Variants in CSMD1 observed in about 807,000 individuals in gnomAD.
The protein encoded by CSMD1 is CUB and sushi domain-containing protein 1.
In CSMD1, 213 loss-of-function variants were observed where a neutral mutation model predicts 417.5. The ratio of observed to expected loss-of-function variants is 0.51; its 90% CI spans 0.46 to 0.57. The LOEUF (loss-of-function observed/expected upper bound fraction) is 0.57, where lower values mean the gene tolerates loss of function less well. Among genes scored for constraint, CSMD1 ranks in the 20% least tolerant of loss-of-function variants. The probability of loss-of-function intolerance (pLI) is 0.00; values close to 1 mark genes in which losing one functional copy is unlikely to be tolerated. For missense variants in CSMD1, 6,923 were observed against 4,529.7 expected (o/e 1.53, Z -15.17); for synonymous variants, 2,862 against 1,736.8 (o/e 1.65, Z -16.11).
intron 5 of CSMD1, among the ~76,000 whole-genome samples, chr8:3,884,293 T>G (rs753652547): frequency 1.3e-5 from 2 of 152,200 alleles, no homozygotes; most frequent in Admixed American, 6.6e-5. Flanking sequence ...GCCACTTGTG[T>G]TTGTTATATA....
At chr8:4,854,007 C>A (rs1253816550) in intron 1 of CSMD1, among the ~76,000 whole-genome samples, 3 of 152,106 alleles carry the variant, frequency 2.0e-5, no homozygotes, top group Non-Finnish European at 2.9e-5. Flanking sequence ...ATTCCTGGAA[C>A]ACAATTGTAT....
chr8:4,363,005 T>C (rs932619086), intron 3 of CSMD1, among the ~76,000 whole-genome samples: 1 of 152,198 alleles, frequency 6.6e-6, no homozygotes, highest in Admixed American at 6.5e-5. Context: ...AGTCTTTGAA[T>C]AGATTTTGAA....
At chr8:4,062,799 C>T (rs534610975) in intron 3 of CSMD1, among the ~76,000 whole-genome samples, 1 of 151,626 alleles carries the variant, frequency 6.6e-6, no homozygotes, top group Non-Finnish European at 1.5e-5. Context: ...CAGTATCTGT[C>T]AGCATCACGG....
chr8:3,175,695 G>T lies in CSMD1; in HGVS notation c.5725+5415C>A, dbSNP rs201560160. On this transcript the variant is annotated intron_variant, in intron 37 of 69. Transcript: ENST00000635120. Reference sequence around the variant, plus strand: ...TGTATCTACGAGCAGAGCTTCAGACGTGGGAACATGGCTTCCACACTGGAC... The same window carrying T: ...TGTATCTACGAGCAGAGCTTCAGACTTGGGAACATGGCTTCCACACTGGAC... Among the ~76,000 whole-genome samples the T allele has an allele frequency of 7.5e-5, 8 of 106,716 alleles. No homozygotes were observed. In the South Asian group the frequency reaches 1.9e-3, roughly 25 times the overall value. The allele number at this position is 106,716 out of a possible 152,430, so 70.0% of individuals were successfully genotyped here.
chr8:3,970,595 A>G (rs558083151), intron 5 of CSMD1, among the ~76,000 whole-genome samples: 3 of 152,228 alleles, frequency 2.0e-5, no homozygotes, highest in Non-Finnish European at 2.9e-5. Flanking sequence ...AACAGAATGA[A>G]TAGCAAAGGA....
intron 5 of CSMD1, among the ~76,000 whole-genome samples, chr8:3,805,059 G>C (rs1359575042): frequency 6.6e-6 from 1 of 151,670 alleles, no homozygotes; most frequent in Admixed American, 6.6e-5. Context: ...CACCACTTAG[G>C]CACAGAGAAT....
intron 3 of CSMD1, among the ~76,000 whole-genome samples, chr8:4,050,307 A>G (rs908243784): frequency 1.3e-5 from 2 of 152,334 alleles, no homozygotes; most frequent in East Asian, 3.9e-4. Flanking sequence ...GCAGAACTTA[A>G]GGAATACGAA....
At chr8:3,381,077 A>G (rs192410) in intron 18 of CSMD1, among the ~76,000 whole-genome samples, 151,344 of 152,270 alleles carry the variant, frequency 0.99, 75,219 homozygotes, top group East Asian at 1. Flanking sequence ...GCTTGGGTAT[A>G]TCAGTTTTCA....
intron 10 of CSMD1, among the ~76,000 whole-genome samples, chr8:3,571,424 A>G (rs1204108696): frequency 6.6e-6 from 1 of 152,306 alleles, no homozygotes; most frequent in African/African-American, 2.4e-5. Context: ...TCTGAACTGG[A>G]AAGATTTTGA....
chr8:4,130,912 G>A (rs181308970), intron 3 of CSMD1, among the ~76,000 whole-genome samples: 12 of 151,712 alleles, frequency 7.9e-5, no homozygotes, highest in East Asian at 1.9e-4. Context: ...TTGGATGGAC[G>A]GATTAATTAT....
intron 3 of CSMD1, among the ~76,000 whole-genome samples, chr8:4,076,574 T>C (rs1337870662): frequency 6.6e-6 from 1 of 152,146 alleles, no homozygotes; most frequent in African/African-American, 2.4e-5. Context: ...AATGAAATAA[T>C]ATATTAAGGA....
chr8:3,422,696 T>G (rs1440004713), intron 12 of CSMD1, among the ~76,000 whole-genome samples: 1 of 152,220 alleles, frequency 6.6e-6, no homozygotes, highest in Non-Finnish European at 1.5e-5. Flanking sequence ...ATTTTATGTA[T>G]TTTTCATCGT....
At chr8:4,656,118 T>A (rs145479657) in intron 1 of CSMD1, among the ~76,000 whole-genome samples, 4 of 152,136 alleles carry the variant, frequency 2.6e-5, no homozygotes, top group Admixed American at 6.5e-5. Context: ...AAGTGTATCG[T>A]GTGTGTCAAT....
intron 3 of CSMD1, among the ~76,000 whole-genome samples, chr8:4,419,560 T>G (rs1014823476): frequency 3.3e-5 from 5 of 152,186 alleles, no homozygotes; most frequent in Non-Finnish European, 5.9e-5. Flanking sequence ...GTTCATTTAA[T>G]GAAATTTCCT....
intron 7 of CSMD1, among the ~76,000 whole-genome samples, chr8:3,686,136 T>C (rs745893280): frequency 6.6e-6 from 1 of 151,934 alleles, no homozygotes; most frequent in Non-Finnish European, 1.5e-5. Context: ...AAAAACTGTC[T>C]ATGGGACTAT....
intron 26 of CSMD1, among the ~76,000 whole-genome samples, chr8:3,274,242 G>C (rs1585885541): frequency 6.6e-6 from 1 of 151,904 alleles, no homozygotes; most frequent in Admixed American, 6.6e-5. Flanking sequence ...GCGGTTTTGA[G>C]TGAGATTCTT....
chr8:3,610,184 T>G (rs2117130703), intron 8 of CSMD1, among the ~76,000 whole-genome samples: 1 of 152,228 alleles, frequency 6.6e-6, no homozygotes, highest in East Asian at 1.9e-4. Flanking sequence ...GTCCAGCAGC[T>G]TCCATATGAA....
chr8:4,810,611 G>A (rs941650390), intron 1 of CSMD1, among the ~76,000 whole-genome samples: 5 of 152,244 alleles, frequency 3.3e-5, no homozygotes, highest in Middle Eastern at 3.4e-3. Flanking sequence ...CTTTCCCTTA[G>A]GGGTTCCAGG....
At chr8:4,261,361 T>G (rs1308541541) in intron 3 of CSMD1, among the ~76,000 whole-genome samples, 1 of 152,116 alleles carries the variant, frequency 6.6e-6, no homozygotes, top group Non-Finnish European at 1.5e-5. Context: ...AAGAACATCT[T>G]CTCAGAAATA....
Sources: gnomAD v4.1 joint callset for allele counts (sites outside exome capture counted in the v4.1 genomes callset) on GRCh38, gnomAD v4.1.1 for gene constraint, MANE v1.5 for transcripts, NCBI Gene and HGNC (gene_info 2026-07-23, HGNC 2026-07-21) for gene names.